Variants in LRRC37A2 observed in about 807,000 individuals in gnomAD.
LRRC37A2 encodes the protein leucine rich repeat containing 37 member A2, also known as leucine-rich repeat-containing protein 37A2.
A neutral mutation model predicts 68.8 loss-of-function variants in LRRC37A2; 9 were observed. The observed-to-expected ratio is 0.13, with a 90% CI of 0.08 to 0.23. The LOEUF is 0.23. LRRC37A2 is among the 10% of genes least tolerant of loss of function. The pLI is 1.00. For synonymous variants in LRRC37A2, 63 were observed against 367.6 expected (o/e 0.17, Z 9.48); for missense variants, 168 against 950.4 (o/e 0.18, Z 10.82).
chr17:47,018,043 C>T, the LRRC37A2 span: 2 of 1,507,236 alleles, frequency 1.3e-6, no homozygotes, highest in Admixed American at 3.3e-5. Context: ...TCAGTTCAAC[C>T]TCCAGGTGAG....
At chr17:47,027,621 A>C in the LRRC37A2 span, 1 of 1,196,884 alleles carries the variant, frequency 8.4e-7, no homozygotes, top group Non-Finnish European at 1.2e-6. Flanking sequence ...ACCATTTTTG[A>C]AGTTTATGTA....
chr17:46,549,334 G>A (rs755662646), exon 10 of LRRC37A2: 1 of 1,603,342 alleles, frequency 6.2e-7, no homozygotes, highest in Non-Finnish European at 8.5e-7. Context: ...TGCCTTTGAA[G>A]AAAATGATTT....
the LRRC37A2 span, among the ~76,000 whole-genome samples, chr17:46,986,533 A>G: frequency 2.0e-5 from 3 of 152,208 alleles, no homozygotes; most frequent in Non-Finnish European, 4.4e-5. Context: ...GGAAAAAGGA[A>G]GAGAAAGCTC....
the LRRC37A2 span, among the ~76,000 whole-genome samples, chr17:47,048,290 G>A: frequency 1.3e-5 from 2 of 151,540 alleles, no homozygotes; most frequent in Admixed American, 6.6e-5. Context: ...TTTTAATTCT[G>A]GAAAAGAAAC....
At chr17:46,940,732 A>G in the LRRC37A2 span, 3 of 1,586,624 alleles carry the variant, frequency 1.9e-6, no homozygotes, top group East Asian at 4.5e-5. Flanking sequence ...GTTGGCTTTG[A>G]TGAACCCTCA....
the LRRC37A2 span, among the ~76,000 whole-genome samples, chr17:46,969,539 C>T: frequency 2.0e-5 from 3 of 152,202 alleles, no homozygotes; most frequent in South Asian, 2.1e-4. Flanking sequence ...CCTAAACAAC[C>T]GTGGAACGAT....
the LRRC37A2 span, among the ~76,000 whole-genome samples, chr17:46,840,324 G>T: frequency 6.6e-6 from 1 of 152,108 alleles, no homozygotes; most frequent in Non-Finnish European, 1.5e-5. Context: ...CTGACCTCAT[G>T]ATCCACCCGC....
At chr17:46,968,554 G>C in the LRRC37A2 span, among the ~76,000 whole-genome samples, 1 of 152,254 alleles carries the variant, frequency 6.6e-6, no homozygotes, top group South Asian at 2.1e-4. Flanking sequence ...ATCACCATCA[G>C]ATCCTCTCGA....
chr17:46,935,338 G>C, the LRRC37A2 span: 1 of 1,479,474 alleles, frequency 6.8e-7, no homozygotes, highest in Non-Finnish European at 8.9e-7. Flanking sequence ...GTTATTGTGA[G>C]CCTGAAAGTA....
chr17:47,019,085 G>C, the LRRC37A2 span: 5 of 1,300,728 alleles, frequency 3.8e-6, no homozygotes, highest in Non-Finnish European at 4.4e-6. Context: ...CTACACCCCC[G>C]AAGAGGACTA....
chr17:46,740,926 ATTTAT>A, the LRRC37A2 span, among the ~76,000 whole-genome samples: 1 of 152,014 alleles, frequency 6.6e-6, no homozygotes, highest in African/African-American at 2.4e-5. Flanking sequence ...TATCTTCTTA[ATTTAT>A]TTAACCTTTT....
chr17:46,718,055 A>T, the LRRC37A2 span, among the ~76,000 whole-genome samples: 1 of 152,170 alleles, frequency 6.6e-6, no homozygotes, highest in East Asian at 1.9e-4. Context: ...CCTCAGAGTG[A>T]CACCAGTAAT....
chr17:46,640,149 GA>G, the LRRC37A2 span: 2 of 139,336 alleles, frequency 1.4e-5, no homozygotes, highest in East Asian at 5.1e-4. Context: ...CTGCGACAGG[GA>G]AAAGGCAGAA....
the LRRC37A2 span, among the ~76,000 whole-genome samples, chr17:46,914,174 A>G: frequency 1.3e-5 from 2 of 152,158 alleles, no homozygotes; most frequent in African/African-American, 4.8e-5. Flanking sequence ...TTAGTAAGGG[A>G]AGTGGGACAT....
the LRRC37A2 span, chr17:46,923,042 G>T: frequency 4.5e-6 from 3 of 671,822 alleles, no homozygotes; most frequent in East Asian, 8.1e-5. Context: ...CTCCGATCTC[G>T]CAACCACTGC....
chr17:46,713,689 G>A, the LRRC37A2 span, among the ~76,000 whole-genome samples: 4 of 152,326 alleles, frequency 2.6e-5, no homozygotes, highest in African/African-American at 9.6e-5. Flanking sequence ...AAGTTTAGTT[G>A]CTAATAAATA....
the LRRC37A2 span, among the ~76,000 whole-genome samples, chr17:46,691,619 G>C: frequency 1.3e-5 from 2 of 151,438 alleles, no homozygotes; most frequent in African/African-American, 4.9e-5. Context: ...ACAAAACAAC[G>C]ATTATATCCT....
the LRRC37A2 span, among the ~76,000 whole-genome samples, chr17:46,753,616 T>G: frequency 6.6e-6 from 1 of 152,216 alleles, no homozygotes; most frequent in Non-Finnish European, 1.5e-5. Context: ...TAATTTTTTT[T>G]CAATAATTGC....
the LRRC37A2 span, chr17:46,830,701 G>C: frequency 2.5e-6 from 1 of 398,636 alleles, no homozygotes; most frequent in Non-Finnish European, 4.4e-6. Flanking sequence ...GGAGCATTTT[G>C]ATGGCTAGTG....
Sources: allele counts gnomAD v4.1 joint callset (sites outside exome capture counted in the v4.1 genomes callset), GRCh38; gene constraint gnomAD v4.1.1; transcripts MANE v1.5; gene names NCBI Gene and HGNC (gene_info 2026-07-23, HGNC 2026-07-21).